RGL3: variants seen among roughly 807,000 people sequenced by gnomAD.
RGL3 encodes ral guanine nucleotide dissociation stimulator like 3, also known as ral guanine nucleotide dissociation stimulator-like 3.
RGL3 carries 85 observed loss-of-function variants against 90.6 expected under a neutral mutation model. That is an observed-to-expected ratio of 0.94 (90% CI 0.79 to 1.12). The LOEUF (loss-of-function observed/expected upper bound fraction) is 1.12, where lower values mean the gene tolerates loss of function less well. Among genes scored for constraint, RGL3 ranks in the 50% most tolerant of loss-of-function variants. The pLI, the probability that RGL3 is intolerant of heterozygous loss-of-function variation, is 0.00. For missense variants in RGL3, 1,034 were observed against 939.2 expected (o/e 1.10, Z -1.32); for synonymous variants, 408 against 385.5 (o/e 1.06, Z -0.68).
In RGL3 at chr19:11,397,255, G is replaced by A. The variant is rs767920869; in HGVS notation, c.2003C>T (p.Pro668Leu). 2 of 1,613,918 alleles carry A rather than the reference G, an allele frequency of 1.2e-6. No individual in the cohort carries two copies. The highest frequency in any genetic ancestry group is 2.2e-5 in the South Asian group (2 of 91,060). ...ACDYQLFQVL[P>L]GDRVLLIPDN... ...CCATCCCTGCTCACCCCGGTCCCCA[G>A]GAAGGACTTGAAAGAGCTGATAGTC... is the stretch of plus-strand genomic sequence containing the variant. The change falls in exon 18 of 19, where the codon CCT (proline) becomes CTT (leucine). Residue 668 changes from proline to leucine, a missense_variant. By Grantham distance (98) the Pro-to-Leu change is moderately conservative. Coordinates refer to ENST00000380456, the MANE Select transcript of RGL3 (RefSeq NM_001035223.4).
At chr19:11,416,783 G>A (rs1251593652) in intron 3 of RGL3, 53 bp downstream of exon 3, 7 of 1,600,618 alleles carry the variant, frequency 4.4e-6, no homozygotes, top group Non-Finnish European at 6.0e-6. Context: ...GGAGGGGGGT[G>A]CCCAGTTGGG....
rs758873370 is a variant in RGL3, at chr19:11,415,982, C to T, written c.592G>A (p.Glu198Lys). ...AEKLLEDFLE[E>K]AEREQEEEPP... ...TCCTCTTCCTGCTCTCGCTCAGCCTCCTCCAAAAAATCTTCCAGAAGCTTC... is the reference window on the plus strand; with the variant it reads ...TCCTCTTCCTGCTCTCGCTCAGCCTTCTCCAAAAAATCTTCCAGAAGCTTC... Residue 198 changes from glutamate (E) to lysine (K), a missense_variant, in exon 5 of 19, where the codon GAG becomes AAG. By Grantham distance (56) the Glu-to-Lys change is moderately conservative. Coordinates refer to ENST00000380456, the MANE Select transcript of RGL3 (RefSeq NM_001035223.4). 1 of 1,613,928 alleles carries T rather than the reference C, an allele frequency of 6.2e-7. No individual in the cohort carries two copies. The highest frequency in any genetic ancestry group is 8.5e-7 in the Non-Finnish European group (1 of 1,179,964).
intron 18 of RGL3, among the ~76,000 whole-genome samples, 182 bp downstream of exon 18, chr19:11,397,062 A>G (rs1968586152): frequency 6.6e-6 from 1 of 152,040 alleles, no homozygotes; most frequent in Non-Finnish European, 1.5e-5. Flanking sequence ...ATGACCCTAC[A>G]TCGTTGGGTT....
rs868796898 is a variant in RGL3 at position 11,413,843 on chromosome 19, G to A, written c.637+2094C>T. ...ACTGCAAGCTCCGCCTCCCAGGTTC[G>A]CGCCATTCTCCTGCCTCAGCCTCCC... On this transcript the variant is annotated intron_variant, in intron 5 of 18. Coordinates refer to ENST00000380456, the MANE Select transcript of RGL3 (RefSeq NM_001035223.4). Among the ~76,000 whole-genome samples, 274 of 147,696 alleles carry A rather than the reference G, an allele frequency of 1.9e-3. 2 individuals are homozygous for A. The highest frequency in any genetic ancestry group is 6.0e-3 in the African/African-American group (245 of 40,500).
intron 16 of RGL3, among the ~76,000 whole-genome samples, chr19:11,398,676 G>T (rs78163980): frequency 0.16 from 22,975 of 147,626 alleles, 2,818 homozygotes; most frequent in African/African-American, 0.36. Context: ...TTCTTTTTTT[G>T]TTTTTCTTTT....
chr19:11,410,657 G>A (rs1968858911), intron 5 of RGL3, among the ~76,000 whole-genome samples: 1 of 151,960 alleles, frequency 6.6e-6, no homozygotes, highest in Admixed American at 6.6e-5. Flanking sequence ...ACTCCAGCCT[G>A]GGTGACAGAG....
intron 5 of RGL3, among the ~76,000 whole-genome samples, chr19:11,412,954 A>G (rs1968898157): frequency 6.6e-6 from 1 of 152,132 alleles, no homozygotes; most frequent in South Asian, 2.1e-4. Context: ...CGACAGAGCG[A>G]GACTCTGTCT....
intron 5 of RGL3, chr19:11,411,206 C>T (rs1212748106): frequency 9.9e-6 from 1 of 101,380 alleles, no homozygotes; most frequent in Non-Finnish European, 1.8e-5. Flanking sequence ...GAGACTCCAT[C>T]TCAAAAAAAA....
At chr19:11,418,631 C>T in intron 2 of RGL3, 40 bp downstream of exon 2, 1 of 1,469,970 alleles carries the variant, frequency 6.8e-7, no homozygotes, top group Non-Finnish European at 9.2e-7. Flanking sequence ...CTCAACTGGT[C>T]GCTTCCGGCC....
chr19:11,395,135 T>C (rs1278534550), intron 18 of RGL3, among the ~76,000 whole-genome samples: 1 of 149,104 alleles, frequency 6.7e-6, no homozygotes. Context: ...CAACCTGCAG[T>C]AAAAGTTTGG....
rs1312617506 is a variant in RGL3 at position 11,414,482 on chromosome 19, T to C, written c.637+1455A>G. Among the ~76,000 whole-genome samples the C allele has an allele frequency of 1.2e-3, 106 of 87,360 alleles. 2 individuals carry two copies. Among genetic ancestry groups the C allele is most frequent in the Non-Finnish European group, 1.6e-3 (79 of 48,116 alleles). 57.3% of individuals were successfully genotyped at this position (87,360 alleles called of 152,430 possible). A position where few individuals can be genotyped will look rare whatever the true frequency, so the allele number is the denominator to read the frequency against. ...ATACCTTCATATATATATATATATA[T>C]ACACCTTCATATATATATATATATA... is the stretch of plus-strand genomic sequence containing the variant. On this transcript the variant is annotated intron_variant, in intron 5 of 18. Coordinates refer to ENST00000380456, the MANE Select transcript of RGL3 (RefSeq NM_001035223.4).
rs756786856 is a variant in RGL3, at chr19:11,405,150, G to A, written c.1182C>T (p.Phe394=). The A allele has an allele frequency of 5.6e-6, 9 of 1,613,744 alleles. No individual in the cohort carries two copies. In the Admixed American group the frequency reaches 1.5e-4, roughly 27 times the overall value. Residue 394 remains phenylalanine, a synonymous_variant, in exon 9 of 19, where the codon TTC becomes TTT. Coordinates refer to ENST00000380456, the MANE Select transcript of RGL3 (RefSeq NM_001035223.4). ...NNHLSSREIL[F]QEEATEGSQE... ...TGGAGTCTGCATCCATCTCTACCTG[G>A]AAAAGAATCTCTCTGCTGCTGAGGT...
chr19:11,394,644 T>G, intron 18 of RGL3, 124 bp from the exon 19 acceptor site: 4 of 704,326 alleles, frequency 5.7e-6, no homozygotes, highest in Non-Finnish European at 1.0e-5. Context: ...CTGCAGCTAC[T>G]GCCAAGCCAA....
Position 11,402,038 on chromosome 19 carries a change from G to C in RGL3, c.1457C>G (p.Ala486Gly). ...PHPPILAALH[A>G]QNQLTEEQSY... The stretch of plus-strand genomic sequence containing the variant: ...CTGCTCCTCGGTGAGCTGGTTCTGG[G>C]CATGCAGGGCAGCCAGGATGGGCGG... Residue 486 changes from alanine (A) to glycine (G), a missense_variant, in exon 13 of 19, where the codon GCC (alanine) becomes GGC (glycine). Transcript: ENST00000380456. The C allele has an allele frequency of 1.9e-6, 3 of 1,563,254 alleles. No individual in the cohort carries two copies. The highest frequency in any genetic ancestry group is 1.2e-5 in the South Asian group (1 of 81,700).
chr19:11,406,514 C>T lies in RGL3; in HGVS notation c.901G>A (p.Val301Met), dbSNP rs1968783197. Residue 301 changes from valine (V) to methionine (M), a missense_variant, in exon 7 of 19, where the codon GTG (valine) becomes ATG (methionine). Val to Met is a conservative substitution (Grantham distance 21). Transcript: ENST00000380456. Reference sequence around the variant, plus strand: ...ACGGAACCCAGCACACAGCCGGTCACGGTGTTGAACTGGGCCACGGTGGCG... The same window carrying T: ...ACGGAACCCAGCACACAGCCGGTCATGGTGTTGAACTGGGCCACGGTGGCG... ...VRATVAQFNT[V>M]TGCVLGSVLG... is the part of the protein sequence containing the mutation. 4 of 1,553,530 alleles carry T rather than the reference C, an allele frequency of 2.6e-6. No individual in the cohort carries two copies. Among genetic ancestry groups the T allele is most frequent in the Non-Finnish European group, 3.5e-6 (4 of 1,150,572 alleles).
At chr19:11,412,152 C>T (rs1296362632) in intron 5 of RGL3, among the ~76,000 whole-genome samples, 4 of 151,754 alleles carry the variant, frequency 2.6e-5, no homozygotes, top group Non-Finnish European at 5.9e-5. Flanking sequence ...TGGTGGTGCA[C>T]GCCTGTAATC....
In RGL3 at chr19:11,397,605, C is replaced by T; in HGVS notation, c.1747-8G>A. Reference sequence around the variant, plus strand: ...GTCCAGGCTCAGGGGCAGCTGCAGGCAGTAAGGGGTGGAGGCTACAGCTTG... The same window carrying T: ...GTCCAGGCTCAGGGGCAGCTGCAGGTAGTAAGGGGTGGAGGCTACAGCTTG... On this transcript the variant is annotated splice_region_variant and splice_polypyrimidine_tract_variant and intron_variant, in intron 16 of 18. Transcript: ENST00000380456. The T allele has an allele frequency of 6.5e-7, 1 of 1,539,884 alleles. No individual in the cohort carries two copies. Among genetic ancestry groups the T allele is most frequent in the South Asian group, 1.2e-5 (1 of 83,890 alleles).
intron 5 of RGL3, among the ~76,000 whole-genome samples, chr19:11,412,856 C>T (rs2144735725): frequency 6.6e-6 from 1 of 152,214 alleles, no homozygotes; most frequent in South Asian, 2.1e-4. Flanking sequence ...GTACCAGCTA[C>T]TCAGGAGGCT....
rs1331183476 is a variant in RGL3, at chr19:11,405,180, G to GAAT, written c.1151_1152insATT (p.Asn384delinsLysPhe). ...GAATCTCTCTGCTGCTGAGGTGGTT[G>GAAT]TTCTCATCGGAGAAAATCTGCGAAA... On this transcript the variant is annotated protein_altering_variant, in exon 9 of 19. Coordinates refer to ENST00000380456, the MANE Select transcript of RGL3 (RefSeq NM_001035223.4). The GAAT allele has an allele frequency of 2.9e-5, 46 of 1,614,016 alleles. No homozygotes were observed. Among genetic ancestry groups the GAAT allele is most frequent in the Non-Finnish European group, 3.9e-5 (46 of 1,179,998 alleles).
Sources: allele counts gnomAD v4.1 joint callset (sites outside exome capture counted in the v4.1 genomes callset), GRCh38; gene constraint gnomAD v4.1.1; transcripts MANE v1.5; gene names NCBI Gene and HGNC (gene_info 2026-07-23, HGNC 2026-07-21).